MAP6: variants seen among roughly 807,000 people sequenced by gnomAD.
The protein encoded by MAP6 is microtubule associated protein 6.
In MAP6, 26 loss-of-function variants were observed where a neutral mutation model predicts 42.4. The observed-to-expected ratio is 0.61, with a 90% CI of 0.45 to 0.85. MAP6 has a LOEUF of 0.85. MAP6 is among the 40% of genes least tolerant of loss of function. MAP6 has a pLI of 0.00. For missense variants in MAP6, 966 were observed against 1,099.0 expected (o/e 0.88, Z 1.71); for synonymous variants, 418 against 443.8 (o/e 0.94, Z 0.73).
chr11:75,623,693 C>A (rs1233268797), intron 1 of MAP6, among the ~76,000 whole-genome samples: 3 of 152,176 alleles, frequency 2.0e-5, no homozygotes, highest in Admixed American at 1.3e-4. Context: ...TGTTACTGAA[C>A]CAACGAATAA....
In MAP6 at chr11:75,638,794, C is replaced by T. The variant is rs182220498; in HGVS notation, c.905+28671G>A. On this transcript the variant is annotated intron_variant, in intron 1 of 3. Coordinates refer to ENST00000304771, the MANE Select transcript of MAP6 (RefSeq NM_033063.2). ...AGAACTATCACGCAATCCAGCAATCCCACTACTGGGTATCTACCCCAAAAG... is the reference window on the plus strand; with the variant it reads ...AGAACTATCACGCAATCCAGCAATCTCACTACTGGGTATCTACCCCAAAAG... Among the ~76,000 whole-genome samples the T allele has an allele frequency of 1.6e-3, 251 of 152,198 alleles. 2 individuals carry two copies. The highest frequency in any genetic ancestry group is 5.6e-3 in the African/African-American group (231 of 41,532).
At chr11:75,605,327 A>T (rs1404319683) in intron 3 of MAP6, 1 of 985,738 alleles carries the variant, frequency 1.0e-6, no homozygotes, top group Non-Finnish European at 1.2e-6. Context: ...ATTTCTTCAA[A>T]TTTTGTCAAT....
intron 2 of MAP6, among the ~76,000 whole-genome samples, chr11:75,606,563 T>C (rs1942779531): frequency 6.6e-6 from 1 of 152,182 alleles, no homozygotes; most frequent in African/African-American, 2.4e-5. Context: ...TAAACCTTTG[T>C]TGATGTAAGA....
Position 75,668,059 on chromosome 11 carries a change from G to C in MAP6, c.311C>G (p.Pro104Arg), listed in dbSNP as rs1943994271. The change falls in exon 1 of 4, where the codon CCG becomes CGG. Residue 104 changes from proline to arginine, a missense_variant. By Grantham distance (103) the Pro-to-Arg change is moderately radical. Around this residue, in one of 2 missense-constraint regions of MAP6, gnomAD observed 943 missense variants for 1,049.9 expected, o/e 0.90. Transcript: ENST00000304771. ...GGAGCCGGAGCCCAGGCCCGGGCCC[G>C]GCCCGCTCCGGCCGGGGCCCGCCGC... ...EPAAGPGRSG[P>R]GPGLGSGSTS... 4 of 1,226,876 alleles carry C rather than the reference G, an allele frequency of 3.3e-6. No individual in the cohort carries two copies. The highest frequency in any genetic ancestry group is 4.1e-6 in the Non-Finnish European group (4 of 987,312). 76.0% of individuals were successfully genotyped at this position (1,226,876 alleles called of 1,614,324 possible). A position where few individuals can be genotyped will look rare whatever the true frequency, so the allele number is the denominator to read the frequency against.
chr11:75,665,569 A>G (rs1187396801), intron 1 of MAP6, among the ~76,000 whole-genome samples: 2 of 152,208 alleles, frequency 1.3e-5, no homozygotes, highest in Non-Finnish European at 2.9e-5. Flanking sequence ...CCAGTAATCT[A>G]TGATGTTGGG....
chr11:75,624,523 C>A (rs1185569609), intron 1 of MAP6, among the ~76,000 whole-genome samples: 1 of 152,186 alleles, frequency 6.6e-6, no homozygotes, highest in Non-Finnish European at 1.5e-5. Context: ...CTGACTGGAA[C>A]CCAGGCCCAT....
intron 3 of MAP6, among the ~76,000 whole-genome samples, chr11:75,591,192 C>A (rs778490907): frequency 6.6e-5 from 10 of 151,968 alleles, no homozygotes; most frequent in Non-Finnish European, 1.5e-4. Flanking sequence ...TTATGACAAG[C>A]CAATGGTCAC....
chr11:75,606,653 G>A (rs1182941463), intron 2 of MAP6, among the ~76,000 whole-genome samples: 1 of 152,210 alleles, frequency 6.6e-6, no homozygotes, highest in East Asian at 1.9e-4. Flanking sequence ...TCACCCATAT[G>A]GAGAAGCATC....
rs1293366409 is a variant in MAP6 at position 75,643,711 on chromosome 11, G to A, written c.905+23754C>T. ...TCCTGAGCACATGTTATGTTGCCAG[G>A]CACTTTTCTATGTGCTTTACACACA... is the stretch of plus-strand genomic sequence containing the variant. On this transcript the variant is annotated intron_variant, in intron 1 of 3. Coordinates refer to ENST00000304771, the MANE Select transcript of MAP6 (RefSeq NM_033063.2). Among the ~76,000 whole-genome samples, 5 of 152,298 alleles carry A rather than the reference G, an allele frequency of 3.3e-5. No homozygotes were observed. In the East Asian group the frequency reaches 7.7e-4, roughly 23 times the overall value.
intron 1 of MAP6, among the ~76,000 whole-genome samples, chr11:75,638,890 T>C (rs1943415371): frequency 1.3e-5 from 2 of 152,170 alleles, no homozygotes; most frequent in African/African-American, 4.8e-5. Flanking sequence ...AGCAAAGATA[T>C]AGAATCAATC....
chr11:75,621,747 TACTC>T (rs1350728996), intron 1 of MAP6, among the ~76,000 whole-genome samples: 2 of 152,068 alleles, frequency 1.3e-5, no homozygotes, highest in Non-Finnish European at 2.9e-5. Context: ...ATTTAGAAAA[TACTC>T]AGGAATTGAC....
Position 75,602,889 on chromosome 11 carries a change from T to C in MAP6, c.1316+2919A>G, listed in dbSNP as rs912810866. The C allele has an allele frequency of 9.3e-5, 92 of 985,514 alleles. 1 individual carries two copies. The highest frequency in any genetic ancestry group is 1.8e-4 in the Admixed American group (3 of 16,268). The allele number at this position is 985,514 out of a possible 1,614,324, so 61.0% of individuals were successfully genotyped here. A position where few individuals can be genotyped will look rare whatever the true frequency, so the allele number is the denominator to read the frequency against. On this transcript the variant is annotated intron_variant, in intron 3 of 3. Transcript: ENST00000304771. ...GTTCGTCTTTAGCATTTATTTATAA[T>C]TGGAAAAACTGTTTGTTTGTTTGTT...
intron 1 of MAP6, among the ~76,000 whole-genome samples, chr11:75,609,469 G>T (rs148654238): frequency 6.6e-6 from 1 of 152,340 alleles, no homozygotes; most frequent in African/African-American, 2.4e-5. Context: ...CAAGGAGGCC[G>T]CAGGAGGCAG....
chr11:75,603,755 C>G, intron 3 of MAP6: 1 of 984,958 alleles, frequency 1.0e-6, no homozygotes, highest in Non-Finnish European at 1.2e-6. Context: ...TAGCACAGTG[C>G]CTGGCACACG....
At chr11:75,631,705 C>T (rs1943286422) in intron 1 of MAP6, among the ~76,000 whole-genome samples, 2 of 152,206 alleles carry the variant, frequency 1.3e-5, no homozygotes, top group African/African-American at 4.8e-5. Flanking sequence ...TGAAGCAGAG[C>T]ACACTTATAT....
Position 75,587,786 on chromosome 11 carries a change from T to C in MAP6, c.1715A>G (p.Asn572Ser). 1.2e-6 allele frequency: 2 copies of C among 1,613,576 alleles called. No individual in the cohort carries two copies. Among genetic ancestry groups the C allele is most frequent in the African/African-American group, 1.3e-5 (1 of 75,038 alleles). The stretch of plus-strand genomic sequence containing the variant: ...AGGTGCTGGGACCATAGGAGCTTGA[T>C]TCTTCACAGGCTCAGGAATCCTAGG... ...QGPRIPEPVK[N>S]QAPMVPAPVK... Residue 572 changes from asparagine (N) to serine (S), a missense_variant, in exon 4 of 4, where the codon AAT (asparagine) becomes AGT (serine). By Grantham distance (46) the Asn-to-Ser change is conservative (BLOSUM62 1). Transcript: ENST00000304771.
At position 75,668,125 on chromosome 11, in the gene MAP6, G is replaced by A; in HGVS notation, c.245C>T (p.Ala82Val). 3.3e-6 allele frequency: 4 copies of A among 1,218,288 alleles called. No homozygotes were observed. The highest frequency in any genetic ancestry group is 4.1e-6 in the Non-Finnish European group (4 of 983,038). 75.5% of individuals were successfully genotyped at this position (1,218,288 alleles called of 1,614,324 possible). A position where few individuals can be genotyped will look rare whatever the true frequency, so the allele number is the denominator to read the frequency against. Residue 82 changes from alanine to valine, a missense_variant, in exon 1 of 4, where the codon GCA (alanine) becomes GTA (valine). Ala to Val is a moderately conservative substitution (Grantham distance 64, BLOSUM62 0). Transcript: ENST00000304771. The part of the protein sequence containing the change: ...AQGELDAVAR[A>V]TGPAPGPTGE... ...GGTAGGCCCAGGCGCTGGCCCCGTT[G>A]CCCGGGCAACTGCATCCAACTCGCC...
intron 1 of MAP6, among the ~76,000 whole-genome samples, chr11:75,650,081 G>C (rs1261866564): frequency 6.6e-6 from 1 of 152,128 alleles, no homozygotes; most frequent in Non-Finnish European, 1.5e-5. Flanking sequence ...CAGATCCGTC[G>C]TGCTCCTTCC....
chr11:75,591,619 C>T (rs1255422499), intron 3 of MAP6, among the ~76,000 whole-genome samples: 1 of 152,214 alleles, frequency 6.6e-6, no homozygotes, highest in Non-Finnish European at 1.5e-5. Flanking sequence ...CATGGCCCAA[C>T]CTGCACAACC....
Sources: allele counts gnomAD v4.1 joint callset (sites outside exome capture counted in the v4.1 genomes callset), GRCh38; gene constraint gnomAD v4.1.1; regional missense constraint gnomAD v4.1.1; transcripts MANE v1.5; gene names NCBI Gene and HGNC (gene_info 2026-07-23, HGNC 2026-07-21).